TUBGCP4: variants seen among roughly 807,000 people sequenced by gnomAD.
The protein encoded by TUBGCP4 is gamma-tubulin complex component 4.
TUBGCP4 carries 54 observed loss-of-function variants against 91.6 expected under a neutral mutation model. That is an observed-to-expected ratio of 0.59 (90% CI 0.47 to 0.74). The LOEUF (loss-of-function observed/expected upper bound fraction) is 0.74. TUBGCP4 is among the 30% of genes least tolerant of loss of function. TUBGCP4 has a pLI of 0.00. For missense variants in TUBGCP4, 593 were observed against 800.9 expected, an observed-to-expected ratio of 0.74 and a Z score of 3.13; for synonymous variants, 297 against 302.8, an observed-to-expected ratio of 0.98 and a Z score of 0.20.
Position 43,386,344 on chromosome 15 carries a change from CGTATATATATATATATATATAT to C in TUBGCP4, c.1014+15_1014+36del. 4 of 243,226 alleles carry C rather than the reference CGTATATATATATATATATATAT, an allele frequency of 1.6e-5. No individual in the cohort carries two copies. Among genetic ancestry groups the C allele is most frequent in the Non-Finnish European group, 2.6e-5 (4 of 151,016 alleles). The allele number at this position is 243,226 out of a possible 1,614,324, so 15.1% of individuals were successfully genotyped here. A position where few individuals can be genotyped will look rare whatever the true frequency, so the allele number is the denominator to read the frequency against. On this transcript the variant is annotated intron_variant, in intron 9 of 17. Coordinates refer to ENST00000564079, the MANE Select transcript of TUBGCP4 (RefSeq NM_014444.5). ...ACTGTGGCTGAGGTTTGTGTTTCAT[CGTATATATATATATATATATAT>C]ATATATATATATTTTTTTTTTTTTT...
At position 43,407,906 on chromosome 15, in the gene TUBGCP4, C is replaced by A; in HGVS notation, c.*2692C>A. 1 of 1,591,810 alleles carries A rather than the reference C, an allele frequency of 6.3e-7. No individual in the cohort carries two copies. The highest frequency in any genetic ancestry group is 8.5e-7 in the Non-Finnish European group (1 of 1,172,434). On this transcript the variant is annotated 3_prime_UTR_variant, in exon 18 of 18. Coordinates refer to ENST00000564079, the MANE Select transcript of TUBGCP4 (RefSeq NM_014444.5). ...TAACACCTACAGGTCTAAGGAGATC[C>A]CTGGAACAAAGACACTACACACACT...
chr15:43,386,340 T>C lies in TUBGCP4; in HGVS notation c.1014+10T>C, dbSNP rs1482875127. 6 of 580,060 alleles carry C rather than the reference T, an allele frequency of 1.0e-5. No homozygotes were observed. The highest frequency in any genetic ancestry group is 1.7e-5 in the Non-Finnish European group (6 of 345,620). The allele number at this position is 580,060 out of a possible 1,614,324, so 35.9% of individuals were successfully genotyped here. ...CAGCACTGTGGCTGAGGTTTGTGTT[T>C]CATCGTATATATATATATATATATA... On this transcript the variant is annotated intron_variant, in intron 9 of 17. Transcript: ENST00000564079.
chr15:43,401,993 C>T (rs961056266), intron 15 of TUBGCP4, 143 bp downstream of exon 15: 38 of 1,115,686 alleles, frequency 3.4e-5, no homozygotes, highest in Admixed American at 8.4e-5. Context: ...TGTAAAGCGG[C>T]GGGGCATGGT....
intron 8 of TUBGCP4, 106 bp downstream of exon 8, chr15:43,386,062 C>A: frequency 6.6e-7 from 1 of 1,526,408 alleles, no homozygotes; most frequent in South Asian, 1.3e-5. Context: ...GATAATATTC[C>A]TATCCTGAGA....
At chr15:43,393,233 C>T (rs1317226329) in intron 9 of TUBGCP4, among the ~76,000 whole-genome samples, 6 of 143,868 alleles carry the variant, frequency 4.2e-5, no homozygotes, top group Non-Finnish European at 6.0e-5. Flanking sequence ...TTTTTTAAGA[C>T]GGAGTCTTGC....
At chr15:43,372,383 A>G (rs745637137) in intron 1 of TUBGCP4, among the ~76,000 whole-genome samples, 4 of 152,216 alleles carry the variant, frequency 2.6e-5, no homozygotes, top group African/African-American at 9.7e-5. Flanking sequence ...TTATTTATGA[A>G]CATGTATTTG....
chr15:43,396,672 T>C (rs2044585261), intron 11 of TUBGCP4, among the ~76,000 whole-genome samples: 1 of 152,232 alleles, frequency 6.6e-6, no homozygotes, highest in East Asian at 1.9e-4. Context: ...TCGGCTAAGT[T>C]TGATCCAGTG....
rs1035363388 is a variant in TUBGCP4 at position 43,405,667 on chromosome 15, A to C, written c.*453A>C. On this transcript the variant is annotated 3_prime_UTR_variant, in exon 18 of 18. Coordinates refer to ENST00000564079, the MANE Select transcript of TUBGCP4 (RefSeq NM_014444.5). ...ACCAAGTAAGAAAGCAACAGGTAAG[A>C]TAGGCTTTCTCTCTCCCTATACCAA... 6.2e-6 allele frequency: 1 copy of C among 162,476 alleles called. No homozygotes were observed. The highest frequency in any genetic ancestry group is 2.4e-5 in the African/African-American group (1 of 41,636). The allele number at this position is 162,476 out of a possible 1,614,324, so 10.1% of individuals were successfully genotyped here.
At position 43,407,721 on chromosome 15, in the gene TUBGCP4, C is replaced by T; in HGVS notation, c.*2507C>T. ...CACTGCTACTGATCATGACCAAAGGCAGAGTTATAATCACTATGTGCTGAC... is the reference window on the plus strand; with the variant it reads ...CACTGCTACTGATCATGACCAAAGGTAGAGTTATAATCACTATGTGCTGAC... On this transcript the variant is annotated 3_prime_UTR_variant, in exon 18 of 18. Transcript: ENST00000564079. 1 of 831,974 alleles carries T rather than the reference C, an allele frequency of 1.2e-6. No homozygotes were observed. The allele number at this position is 831,974 out of a possible 1,614,324, so 51.5% of individuals were successfully genotyped here.
chr15:43,402,045 G>A (rs546313621), intron 15 of TUBGCP4, 195 bp downstream of exon 15: 1 of 558,074 alleles, frequency 1.8e-6, no homozygotes, highest in African/African-American at 1.9e-5. Flanking sequence ...GGCCGAGGTG[G>A]GCGGATCACA....
At position 43,407,072 on chromosome 15, in the gene TUBGCP4, T is replaced by TAA; in HGVS notation, c.*1860_*1861dup. The TAA allele has an allele frequency of 3.5e-6, 1 of 287,978 alleles. No homozygotes were observed. 17.8% of individuals were successfully genotyped at this position (287,978 alleles called of 1,614,324 possible). On this transcript the variant is annotated 3_prime_UTR_variant, in exon 18 of 18. Transcript: ENST00000564079. Reference sequence around the variant, plus strand: ...ACCTTTTGGGAATGATGCCACAGAATAAAGTTCACTCTTAACTTTTCAATT... The same window carrying TAA: ...ACCTTTTGGGAATGATGCCACAGAATAAAAAGTTCACTCTTAACTTTTCAATT...
Position 43,409,018 on chromosome 15 carries a change from C to T in TUBGCP4, c.*3804C>T. On this transcript the variant is annotated 3_prime_UTR_variant, in exon 18 of 18. Coordinates refer to ENST00000564079, the MANE Select transcript of TUBGCP4 (RefSeq NM_014444.5). ...CAGACATGAGACACACAAGGAATCCCACTGGCAAGGCACAGGAAGTACTTC... is the reference window on the plus strand; with the variant it reads ...CAGACATGAGACACACAAGGAATCCTACTGGCAAGGCACAGGAAGTACTTC... The T allele has an allele frequency of 6.2e-7, 1 of 1,614,152 alleles. No individual in the cohort carries two copies. Among genetic ancestry groups the T allele is most frequent in the Non-Finnish European group, 8.5e-7 (1 of 1,180,014 alleles).
chr15:43,391,776 C>CT (rs1441395894), intron 9 of TUBGCP4: 2 of 152,100 alleles, frequency 1.3e-5, no homozygotes, highest in African/African-American at 4.8e-5. Context: ...TGGGGTCAGG[C>CT]ACAGTGGCTA....
intron 17 of TUBGCP4, 189 bp downstream of exon 17, chr15:43,404,741 A>G (rs1206919288): frequency 3.1e-6 from 2 of 647,352 alleles, no homozygotes; most frequent in African/African-American, 3.7e-5. Flanking sequence ...CATCATCATC[A>G]TAAAATACTA....
Position 43,405,423 on chromosome 15 carries a change from A to C in TUBGCP4, c.*209A>C, listed in dbSNP as rs1018938766. The C allele has an allele frequency of 3.3e-6, 2 of 606,742 alleles. No individual in the cohort carries two copies. Among genetic ancestry groups the C allele is most frequent in the African/African-American group, 3.7e-5 (2 of 53,998 alleles). 37.6% of individuals were successfully genotyped at this position (606,742 alleles called of 1,614,324 possible). On this transcript the variant is annotated 3_prime_UTR_variant, in exon 18 of 18. Transcript: ENST00000564079. ...GGAAGGGTCTCTCCCATCAAGGAGA[A>C]CATGTGGCATCTCTGATCCTTTACA...
chr15:43,386,345 GTATATATA>G lies in TUBGCP4; in HGVS notation c.1014+41_1014+48del, dbSNP rs542775386. The G allele has an allele frequency of 1.9e-4, 60 of 317,720 alleles. 3 individuals are homozygous for G. The highest frequency in any genetic ancestry group is 4.8e-4 in the African/African-American group (7 of 14,628). The allele number at this position is 317,720 out of a possible 1,614,324, so 19.7% of individuals were successfully genotyped here. ...CTGTGGCTGAGGTTTGTGTTTCATCGTATATATATATATATATATATATATATATATAT... is the reference window on the plus strand; with the variant it reads ...CTGTGGCTGAGGTTTGTGTTTCATCGTATATATATATATATATATATATAT... On this transcript the variant is annotated intron_variant, in intron 9 of 17. Coordinates refer to ENST00000564079, the MANE Select transcript of TUBGCP4 (RefSeq NM_014444.5).
At chr15:43,382,577 T>G (rs2044301069) in intron 6 of TUBGCP4, among the ~76,000 whole-genome samples, 1 of 152,228 alleles carries the variant, frequency 6.6e-6, no homozygotes, top group African/African-American at 2.4e-5. Context: ...AGATTCAGAT[T>G]AAACATTTTT....
rs761345566 is a variant in TUBGCP4 at position 43,403,811 on chromosome 15, T to G, written c.1848+12T>G. On this transcript the variant is annotated intron_variant, in intron 16 of 17. Transcript: ENST00000564079. ...GCATTCTCGTGAAGGTGCGTCTGCCTGGAAGTATGCAGCCTTGCCGAAAGG... is the reference window on the plus strand; with the variant it reads ...GCATTCTCGTGAAGGTGCGTCTGCCGGGAAGTATGCAGCCTTGCCGAAAGG... 55 of 1,596,104 alleles carry G rather than the reference T, an allele frequency of 3.4e-5. No individual in the cohort carries two copies. The highest frequency in any genetic ancestry group is 1.0e-4 in the Admixed American group (6 of 59,968).
chr15:43,377,149 CT>C, intron 4 of TUBGCP4, 82 bp downstream of exon 4: 2 of 1,218,104 alleles, frequency 1.6e-6, no homozygotes, highest in South Asian at 1.3e-5. Flanking sequence ...TTTTTGAGAA[CT>C]TTTTTTCTTC....
Sources: gnomAD v4.1 joint callset for allele counts (sites outside exome capture counted in the v4.1 genomes callset) on GRCh38, gnomAD v4.1.1 for gene constraint, MANE v1.5 for transcripts, NCBI Gene and HGNC (gene_info 2026-07-23, HGNC 2026-07-21) for gene names.